Variants in QKI observed in about 807,000 individuals in gnomAD.
QKI encodes QKI, KH domain containing RNA binding.
Under a neutral mutation model 39.0 loss-of-function variants are expected in QKI, and 10 were observed. That is an observed-to-expected ratio of 0.26 (90% confidence interval 0.16 to 0.43). The LOEUF (loss-of-function observed/expected upper bound fraction) is 0.43, where lower values mean the gene tolerates loss of function less well. QKI is among the 20% of genes least tolerant of loss of function. QKI has a pLI of 1.00. For synonymous variants in QKI, 204 were observed against 155.4 expected (o/e 1.31, Z -2.33); for missense variants, 218 against 428.0 (o/e 0.51, Z 4.33).
rs1465123972 is a variant in QKI at position 163,575,580 on chromosome 6, A to G, written c.*4870A>G. 1 of 152,160 alleles carries G rather than the reference A, an allele frequency of 6.6e-6. No homozygotes were observed. The highest frequency in any genetic ancestry group is 2.4e-5 in the African/African-American group (1 of 41,436). The allele number at this position is 152,160 out of a possible 1,614,324, so 9.4% of individuals were successfully genotyped here. Reference sequence around the variant, plus strand: ...AAATGTCAGGGAAAACTTAACATGAAAGTAGTTACTCCCATACGCACCAGT... The same window carrying G: ...AAATGTCAGGGAAAACTTAACATGAGAGTAGTTACTCCCATACGCACCAGT... On this transcript the variant is annotated 3_prime_UTR_variant, in exon 8 of 8. Transcript: ENST00000361752.
chr6:163,566,609 A>G, intron 6 of QKI, 112 bp from the exon 7 acceptor site: 1 of 1,540,892 alleles, frequency 6.5e-7, no homozygotes, highest in Non-Finnish European at 8.8e-7. Context: ...TGTTTCTTAA[A>G]CTTTTGTAGT....
chr6:163,487,941 TAC>T (rs1367406022), intron 3 of QKI, among the ~76,000 whole-genome samples: 1 of 152,148 alleles, frequency 6.6e-6, no homozygotes, highest in Non-Finnish European at 1.5e-5. Context: ...ATTAGCTAGA[TAC>T]AGTTTTTATC....
At chr6:163,439,574 A>G (rs967731790) in intron 1 of QKI, among the ~76,000 whole-genome samples, 2 of 151,050 alleles carry the variant, frequency 1.3e-5, no homozygotes, top group African/African-American at 4.9e-5. Flanking sequence ...GGCTGTTCTC[A>G]AACTGCTGAC....
chr6:163,498,465 C>G (rs1013187952), intron 3 of QKI, among the ~76,000 whole-genome samples: 1 of 152,088 alleles, frequency 6.6e-6, no homozygotes, highest in South Asian at 2.1e-4. Context: ...CTCCTACACA[C>G]CTTTCACCTC....
chr6:163,440,193 C>T (rs1236781953), intron 1 of QKI, among the ~76,000 whole-genome samples: 1 of 152,210 alleles, frequency 6.6e-6, no homozygotes, highest in Non-Finnish European at 1.5e-5. Context: ...GCTTTTCCCA[C>T]TATCATGATC....
At position 163,570,754 on chromosome 6, in the gene QKI, T is replaced by G. The variant is rs1783658128; in HGVS notation, c.*44T>G. 3.1e-6 allele frequency: 5 copies of G among 1,609,364 alleles called. No individual in the cohort carries two copies. The highest frequency in any genetic ancestry group is 4.2e-6 in the Non-Finnish European group (5 of 1,177,500). On this transcript the variant is annotated 3_prime_UTR_variant, in exon 8 of 8. Coordinates refer to ENST00000361752, the MANE Select transcript of QKI (RefSeq NM_006775.3). ...CTGAACTCTTCACCCAATGATGACCTGACCATGCCTGCCTGCTGATCAGTT... is the reference window on the plus strand; with the variant it reads ...CTGAACTCTTCACCCAATGATGACCGGACCATGCCTGCCTGCTGATCAGTT...
chr6:163,489,424 C>CTGTGTGTGTGTGTGTG (rs66826538), intron 3 of QKI, among the ~76,000 whole-genome samples: 9 of 148,942 alleles, frequency 6.0e-5, no homozygotes, highest in African/African-American at 2.2e-4. Context: ...AGAAGTTATG[C>CTGTGTGTGTGTGTGTG]TGTGTGTGTG....
At chr6:163,494,012 T>A (rs1260616065) in intron 3 of QKI, among the ~76,000 whole-genome samples, 1 of 152,028 alleles carries the variant, frequency 6.6e-6, no homozygotes, top group Admixed American at 6.6e-5. Context: ...TGCAGAATAA[T>A]TACAAGGCTA....
At chr6:163,520,341 T>C (rs898463498) in intron 3 of QKI, among the ~76,000 whole-genome samples, 10 of 152,158 alleles carry the variant, frequency 6.6e-5, no homozygotes, top group African/African-American at 1.7e-4. Flanking sequence ...GGATAATGTA[T>C]AGAATATGTA....
chr6:163,504,101 A>G (rs1778951308), intron 3 of QKI, among the ~76,000 whole-genome samples: 1 of 152,064 alleles, frequency 6.6e-6, no homozygotes, highest in Middle Eastern at 3.2e-3. Context: ...GTGTGTGGCT[A>G]GCCAGCTCTC....
At chr6:163,425,998 T>C (rs1012376083) in intron 1 of QKI, among the ~76,000 whole-genome samples, 6 of 152,212 alleles carry the variant, frequency 3.9e-5, no homozygotes, top group African/African-American at 9.6e-5. Flanking sequence ...ATGAGAGATA[T>C]CTTGACATTC....
At chr6:163,543,099 G>A (rs1429705970) in intron 4 of QKI, among the ~76,000 whole-genome samples, 1 of 152,032 alleles carries the variant, frequency 6.6e-6, no homozygotes, top group Non-Finnish European at 1.5e-5. Context: ...AATGTTAAGA[G>A]TTAATGAATG....
intron 5 of QKI, among the ~76,000 whole-genome samples, chr6:163,562,595 T>C (rs1783103269): frequency 6.6e-6 from 1 of 152,218 alleles, no homozygotes; most frequent in African/African-American, 2.4e-5. Context: ...ATTTTTGTTT[T>C]TATGCGTATC....
intron 3 of QKI, among the ~76,000 whole-genome samples, chr6:163,507,360 A>C (rs926527661): frequency 8.5e-5 from 13 of 152,210 alleles, no homozygotes; most frequent in Admixed American, 1.3e-4. Flanking sequence ...GCAACTCTAA[A>C]ATATGCACGA....
At chr6:163,457,096 T>G (rs1406543807) in intron 2 of QKI, among the ~76,000 whole-genome samples, 1 of 152,060 alleles carries the variant, frequency 6.6e-6, no homozygotes, top group Non-Finnish European at 1.5e-5. Flanking sequence ...TGCTGTTAGG[T>G]TTTTCACTAT....
chr6:163,491,248 A>G (rs1392777516), intron 3 of QKI, among the ~76,000 whole-genome samples: 3 of 152,220 alleles, frequency 2.0e-5, no homozygotes, highest in Non-Finnish European at 4.4e-5. Flanking sequence ...AAAAAGACAT[A>G]TATTTAACCC....
At chr6:163,492,102 GT>G (rs1416988130) in intron 3 of QKI, among the ~76,000 whole-genome samples, 1 of 152,202 alleles carries the variant, frequency 6.6e-6, no homozygotes, top group Non-Finnish European at 1.5e-5. Context: ...TGTTGACAGA[GT>G]GAGTAGTGGA....
Position 163,573,813 on chromosome 6 carries a change from T to C in QKI, c.*3103T>C, listed in dbSNP as rs1014818821. 2.0e-5 allele frequency: 3 copies of C among 152,206 alleles called. No individual in the cohort carries two copies. The highest frequency in any genetic ancestry group is 4.4e-5 in the Non-Finnish European group (3 of 68,028). 9.4% of individuals were successfully genotyped at this position (152,206 alleles called of 1,614,324 possible). A position where few individuals can be genotyped will look rare whatever the true frequency, so the allele number is the denominator to read the frequency against. ...ACCAACCTACTAACTCTGGACTTTG[T>C]CTGTTTATTAACCTTTATATGTTTA... is the stretch of plus-strand genomic sequence containing the variant. On this transcript the variant is annotated 3_prime_UTR_variant, in exon 8 of 8. Coordinates refer to ENST00000361752, the MANE Select transcript of QKI (RefSeq NM_006775.3).
chr6:163,568,682 T>C (rs1467608681), intron 7 of QKI: 24 of 983,856 alleles, frequency 2.4e-5, no homozygotes, highest in Non-Finnish European at 2.9e-5. Context: ...AAGCATTCAT[T>C]TAATGCAAAA....
Sources: gnomAD v4.1 joint callset for allele counts (sites outside exome capture counted in the v4.1 genomes callset) on GRCh38, gnomAD v4.1.1 for gene constraint, MANE v1.5 for transcripts, NCBI Gene and HGNC (gene_info 2026-07-23, HGNC 2026-07-21) for gene names.